DNAH14: variants seen among roughly 807,000 people sequenced by gnomAD.
DNAH14 encodes the protein dynein axonemal heavy chain 14, also known as axonemal beta dynein heavy chain 14.
DNAH14 carries 478 observed loss-of-function variants against 520.9 expected under a neutral mutation model. The observed-to-expected ratio is 0.92, with a 90% CI of 0.85 to 0.99. The LOEUF is 0.99. Among genes scored for constraint, DNAH14 ranks in the 50% least tolerant of loss-of-function variants. The pLI, the probability that DNAH14 is intolerant of heterozygous loss-of-function variation, is 0.00. For synonymous variants in DNAH14, 1,581 were observed against 1,757.2 expected, an observed-to-expected ratio of 0.90 and a Z score of 2.51; for missense variants, 4,831 against 5,234.5, an observed-to-expected ratio of 0.92 and a Z score of 2.38.
At position 225,051,664 on chromosome 1, in the gene DNAH14, C is replaced by T. The variant is rs762673910; in HGVS notation, c.2293C>T (p.Arg765Cys). 15 of 1,550,538 alleles carry T rather than the reference C, an allele frequency of 9.7e-6. No homozygotes were observed. The highest frequency in any genetic ancestry group is 2.5e-5 in the East Asian group (1 of 40,786). The part of the protein sequence containing the change: ...RHIVNMAIEK[R>C]IGIFNVVSLD... ...TATTGTGAATATGGCCATTGAGAAG[C>T]GTATTGGTATTTTCAACGTTGTAAG... is the stretch of plus-strand genomic sequence containing the variant. Residue 765 changes from arginine to cysteine, a missense_variant, in exon 17 of 86, where the codon CGT (arginine) becomes TGT (cysteine). By Grantham distance (180) the Arg-to-Cys change is radical. Coordinates refer to ENST00000682510, the MANE Select transcript of DNAH14 (RefSeq NM_001367479.1).
At chr1:225,307,310 T>C (rs1057341957) in intron 58 of DNAH14, 151 bp from the exon 59 acceptor site, 3 of 590,706 alleles carry the variant, frequency 5.1e-6, no homozygotes, top group Non-Finnish European at 8.7e-6. Context: ...TGGATTATAT[T>C]GATTGACTTT....
intron 17 of DNAH14, among the ~76,000 whole-genome samples, chr1:225,063,796 T>G (rs1264850053): frequency 6.6e-6 from 1 of 151,256 alleles, no homozygotes; most frequent in Non-Finnish European, 1.5e-5. Context: ...GAGCGCTCAA[T>G]GAAATCCAAT....
At position 224,990,108 on chromosome 1, in the gene DNAH14, G is replaced by A. The variant is rs115414185; in HGVS notation, c.831-12675G>A. Among the ~76,000 whole-genome samples the A allele has an allele frequency of 7.3e-3, 1,106 of 151,756 alleles. 19 individuals are homozygous for A. Among genetic ancestry groups the A allele is most frequent in the African/African-American group, 0.026 (1,062 of 41,396 alleles). ...TATTTCTTCTTCCTCCTGTTTTCCA[G>A]GAGAGATTGTTGTAGATTGGTGTCA... On this transcript the variant is annotated intron_variant, in intron 8 of 85. Coordinates refer to ENST00000682510, the MANE Select transcript of DNAH14 (RefSeq NM_001367479.1).
At chr1:225,218,570 A>T (rs1465256937) in intron 41 of DNAH14, among the ~76,000 whole-genome samples, 1 of 152,168 alleles carries the variant, frequency 6.6e-6, no homozygotes, top group Non-Finnish European at 1.5e-5. Flanking sequence ...AAAGAAGGGC[A>T]TTACATAATG....
intron 36 of DNAH14, among the ~76,000 whole-genome samples, chr1:225,183,934 C>G (rs1231054121): frequency 1.3e-5 from 2 of 151,820 alleles, no homozygotes; most frequent in Admixed American, 1.3e-4. Context: ...GTAACAAAAA[C>G]CTACCAAACA....
intron 80 of DNAH14, 24 bp from the exon 81 acceptor site, chr1:225,381,359 A>AATTTTTTTT: frequency 6.6e-7 from 1 of 1,522,474 alleles, no homozygotes; most frequent in East Asian, 2.5e-5. Context: ...AAATATCAAA[A>AATTTTTTTT]TTTTATTTCT....
intron 8 of DNAH14, among the ~76,000 whole-genome samples, chr1:224,991,084 C>CATTTTTTTTTTTTTTTTTTTTTT: frequency 1.3e-5 from 1 of 77,900 alleles, no homozygotes; most frequent in South Asian, 4.8e-4. Context: ...TGATGTTGAG[C>CATTTTTTTTTTTTTTTTTTTTTT]TTTTTTTTTT....
At chr1:225,334,591 A>G (rs1313326706) in intron 66 of DNAH14, among the ~76,000 whole-genome samples, 1 of 152,170 alleles carries the variant, frequency 6.6e-6, no homozygotes, top group Non-Finnish European at 1.5e-5. Context: ...AGCAAACCCA[A>G]GAGTAAGATT....
chr1:225,262,139 ATTC>A (rs1163750001), intron 46 of DNAH14, among the ~76,000 whole-genome samples: 1 of 151,186 alleles, frequency 6.6e-6, no homozygotes, highest in Non-Finnish European at 1.5e-5. Flanking sequence ...AAAATACTCT[ATTC>A]TTCTTTTGAG....
intron 64 of DNAH14, among the ~76,000 whole-genome samples, chr1:225,326,092 AATGTTT>A (rs1477644413): frequency 2.0e-5 from 3 of 152,228 alleles, no homozygotes; most frequent in Admixed American, 2.0e-4. Context: ...GATAATAGTT[AATGTTT>A]ATTTAGCACT....
At chr1:225,097,633 G>A (rs1294734436) in intron 22 of DNAH14, among the ~76,000 whole-genome samples, 1 of 151,968 alleles carries the variant, frequency 6.6e-6, no homozygotes, top group Non-Finnish European at 1.5e-5. Flanking sequence ...AATAAGGTGG[G>A]CGTGGTGGTG....
chr1:225,194,676 C>G (rs773415927), intron 38 of DNAH14, among the ~76,000 whole-genome samples: 7 of 151,858 alleles, frequency 4.6e-5, no homozygotes, highest in Non-Finnish European at 1.0e-4. Context: ...TAATTGGGAC[C>G]TAATTAAAGA....
At chr1:225,268,192 G>A (rs987046196) in intron 49 of DNAH14, among the ~76,000 whole-genome samples, 5 of 151,998 alleles carry the variant, frequency 3.3e-5, no homozygotes, top group Non-Finnish European at 5.9e-5. Context: ...ATCAATAAAC[G>A]TAATCCATCA....
At chr1:225,047,042 A>G (rs1182839568) in intron 15 of DNAH14, among the ~76,000 whole-genome samples, 1 of 152,192 alleles carries the variant, frequency 6.6e-6, no homozygotes, top group Non-Finnish European at 1.5e-5. Context: ...TTAGGAACTA[A>G]GATCTATGCA....
At chr1:225,058,208 GCC>G (rs1232755686) in intron 17 of DNAH14, among the ~76,000 whole-genome samples, 2 of 152,100 alleles carry the variant, frequency 1.3e-5, no homozygotes, top group African/African-American at 4.8e-5. Context: ...CAATTTCAGA[GCC>G]TGTTACTGGT....
At chr1:225,394,597 C>CT (rs1440534460) in intron 84 of DNAH14, among the ~76,000 whole-genome samples, 1 of 152,118 alleles carries the variant, frequency 6.6e-6, no homozygotes, top group Non-Finnish European at 1.5e-5. Flanking sequence ...AATCCCAGCA[C>CT]TTTGAGAGGT....
At chr1:225,214,482 G>C (rs1257236013) in intron 41 of DNAH14, among the ~76,000 whole-genome samples, 2 of 152,192 alleles carry the variant, frequency 1.3e-5, no homozygotes, top group African/African-American at 4.8e-5. Context: ...AGAAGGAATG[G>C]TACCAGCTCC....
chr1:225,020,220 G>A (rs1297100169), intron 10 of DNAH14, among the ~76,000 whole-genome samples: 1 of 151,990 alleles, frequency 6.6e-6, no homozygotes, highest in Non-Finnish European at 1.5e-5. Context: ...ATCTCAGCCA[G>A]GCAAGGTGGC....
intron 25 of DNAH14, among the ~76,000 whole-genome samples, chr1:225,118,435 G>A (rs1573240500): frequency 6.6e-6 from 1 of 152,246 alleles, no homozygotes. Flanking sequence ...TGACAAACTA[G>A]GTCCTTCCAT....
Sources: gnomAD v4.1 joint callset for allele counts (sites outside exome capture counted in the v4.1 genomes callset) on GRCh38, gnomAD v4.1.1 for gene constraint, MANE v1.5 for transcripts, NCBI Gene and HGNC (gene_info 2026-07-23, HGNC 2026-07-21) for gene names.